Variants in CSMD1 observed in about 807,000 individuals in gnomAD.
The protein encoded by CSMD1 is CUB and Sushi multiple domains 1, also known as CUB and sushi domain-containing protein 1.
Under a neutral mutation model 417.5 loss-of-function variants are expected in CSMD1, and 213 were observed. That is an observed-to-expected ratio of 0.51 (90% CI 0.46 to 0.57). CSMD1 has a LOEUF of 0.57. CSMD1 is among the 20% of genes least tolerant of loss of function. The pLI, the probability that CSMD1 is intolerant of heterozygous loss-of-function variation, is 0.00. For missense variants in CSMD1, 6,923 were observed against 4,529.7 expected (o/e 1.53, Z -15.17); for synonymous variants, 2,862 against 1,736.8 (o/e 1.65, Z -16.11).
chr8:4,080,615 G>C, intron 3 of CSMD1, among the ~76,000 whole-genome samples: 1 of 152,188 alleles, frequency 6.6e-6, no homozygotes, highest in Admixed American at 6.5e-5. Flanking sequence ...CCTTTCTGGA[G>C]TTTAGAAGCT....
At chr8:4,076,590 G>A (rs548127964) in intron 3 of CSMD1, among the ~76,000 whole-genome samples, 1 of 152,150 alleles carries the variant, frequency 6.6e-6, no homozygotes, top group Non-Finnish European at 1.5e-5. Context: ...AAGGATTCAT[G>A]TCCTAAACTT....
intron 5 of CSMD1, among the ~76,000 whole-genome samples, chr8:3,936,128 A>C (rs373213230): frequency 6.6e-6 from 1 of 151,970 alleles, no homozygotes; most frequent in Non-Finnish European, 1.5e-5. Flanking sequence ...AGAGAGAAGT[A>C]AGGAAGCTGC....
chr8:4,887,246 G>A (rs1393370919), intron 1 of CSMD1, among the ~76,000 whole-genome samples: 2 of 151,922 alleles, frequency 1.3e-5, no homozygotes, highest in East Asian at 1.9e-4. Context: ...TTATTTAGTT[G>A]TATGCTGTTT....
intron 8 of CSMD1, among the ~76,000 whole-genome samples, chr8:3,589,813 C>A (rs116595511): frequency 6.6e-6 from 1 of 152,066 alleles, no homozygotes; most frequent in African/African-American, 2.4e-5. Context: ...CTTGATTTGA[C>A]CATTTCACAA....
At chr8:3,581,801 T>C (rs921816291) in intron 9 of CSMD1, among the ~76,000 whole-genome samples, 48 of 152,300 alleles carry the variant, frequency 3.2e-4, no homozygotes, top group African/African-American at 1.1e-3. Flanking sequence ...TGCTGTCTTT[T>C]TTTTTTCCTT....
chr8:3,464,888 C>T (rs960357385), intron 12 of CSMD1, among the ~76,000 whole-genome samples: 2 of 152,066 alleles, frequency 1.3e-5, no homozygotes, highest in Non-Finnish European at 2.9e-5. Flanking sequence ...AACATGATCT[C>T]CCTCAAGAGC....
At chr8:4,607,631 T>C (rs1585322748) in intron 2 of CSMD1, among the ~76,000 whole-genome samples, 3 of 145,116 alleles carry the variant, frequency 2.1e-5, no homozygotes, top group Admixed American at 6.9e-5. Flanking sequence ...GCGCCAGCCA[T>C]TTTTTGGTGT....
intron 3 of CSMD1, among the ~76,000 whole-genome samples, chr8:4,251,268 G>T (rs1021027601): frequency 2.6e-5 from 4 of 152,028 alleles, no homozygotes; most frequent in Non-Finnish European, 5.9e-5. Flanking sequence ...TATATGGAAG[G>T]CTTTTTAAAA....
Position 3,616,705 on chromosome 8 carries a change from C to G in CSMD1, c.1097+5G>C, listed in dbSNP as rs747572207. The stretch of plus-strand genomic sequence containing the variant: ...GCTTTTTTCCACCACTATTGTATCT[C>G]TTACCTGAAGTCGGAACCTGCTCTT... On this transcript the variant is annotated splice_donor_5th_base_variant and intron_variant, in intron 8 of 69. Transcript: ENST00000635120. 2.2e-5 allele frequency: 35 copies of G among 1,588,768 alleles called. No individual in the cohort carries two copies. The highest frequency in any genetic ancestry group is 2.8e-5 in the Non-Finnish European group (33 of 1,157,942).
intron 10 of CSMD1, among the ~76,000 whole-genome samples, chr8:3,510,824 T>C (rs960453783): frequency 6.6e-6 from 1 of 151,888 alleles, no homozygotes; most frequent in Non-Finnish European, 1.5e-5. Flanking sequence ...GAAGTATCTG[T>C]TCATATCCTT....
intron 41 of CSMD1, among the ~76,000 whole-genome samples, chr8:3,140,650 T>A (rs2129030769): frequency 1.3e-5 from 2 of 152,180 alleles, no homozygotes; most frequent in Admixed American, 1.3e-4. Context: ...AATACTAGCC[T>A]CTTTCAGTAA....
At chr8:4,860,714 T>A (rs1802081116) in intron 1 of CSMD1, among the ~76,000 whole-genome samples, 1 of 152,162 alleles carries the variant, frequency 6.6e-6, no homozygotes, top group Admixed American at 6.5e-5. Context: ...TAAAGACAAA[T>A]ACATTTATGT....
chr8:4,270,574 A>T (rs1160626549), intron 3 of CSMD1, among the ~76,000 whole-genome samples: 1 of 152,130 alleles, frequency 6.6e-6, no homozygotes, highest in Admixed American at 6.5e-5. Flanking sequence ...TTTGATGACT[A>T]CACATTTTAT....
At chr8:4,640,703 C>T (rs1242870832) in intron 1 of CSMD1, among the ~76,000 whole-genome samples, 1 of 152,008 alleles carries the variant, frequency 6.6e-6, no homozygotes, top group Non-Finnish European at 1.5e-5. Flanking sequence ...GCAAACATAA[C>T]CATATTTCAA....
rs116492606 is a variant in CSMD1, at chr8:3,311,577, T to A, written c.3632-3074A>T. 5.5e-3 allele frequency among the ~76,000 whole-genome samples: 838 copies of A among 152,280 alleles called. 8 individuals are homozygous for A. The highest frequency in any genetic ancestry group is 0.019 in the African/African-American group (810 of 41,566). ...TCAACACTTTCTTACAAAACAAGCT[T>A]TATGCTAGACGATTTGTGCTAGTAT... On this transcript the variant is annotated intron_variant, in intron 23 of 69. Transcript: ENST00000635120.
intron 2 of CSMD1, among the ~76,000 whole-genome samples, chr8:4,620,401 A>G (rs1293050399): frequency 6.6e-6 from 1 of 151,608 alleles, no homozygotes; most frequent in Non-Finnish European, 1.5e-5. Flanking sequence ...TGAGTTTGAG[A>G]AACTTAAATA....
intron 16 of CSMD1, among the ~76,000 whole-genome samples, chr8:3,398,943 C>T (rs144958113): frequency 5.3e-5 from 8 of 152,202 alleles, no homozygotes; most frequent in Admixed American, 1.3e-4. Flanking sequence ...ATCTGCTGTC[C>T]GCACCCCATT....
intron 3 of CSMD1, among the ~76,000 whole-genome samples, chr8:4,329,576 C>T (rs993870220): frequency 1.3e-5 from 2 of 152,080 alleles, no homozygotes; most frequent in African/African-American, 4.8e-5. Context: ...GTGTGAGCCA[C>T]CGCACGTTGC....
chr8:3,754,134 T>C (rs1233814981), intron 5 of CSMD1, 92 bp from the exon 6 acceptor site: 2 of 733,186 alleles, frequency 2.7e-6, no homozygotes, highest in African/African-American at 3.5e-5. Flanking sequence ...ATTACTTAAA[T>C]CCTTCATCTT....
Sources: allele counts gnomAD v4.1 joint callset (sites outside exome capture counted in the v4.1 genomes callset), GRCh38; gene constraint gnomAD v4.1.1; transcripts MANE v1.5; gene names NCBI Gene and HGNC (gene_info 2026-07-23, HGNC 2026-07-21).